Variants in KIF5C observed in about 807,000 individuals in gnomAD.
KIF5C encodes kinesin heavy chain isoform 5C.
Under a neutral mutation model 125.2 loss-of-function variants are expected in KIF5C, and 18 were observed. The observed-to-expected ratio is 0.14, with a 90% CI of 0.10 to 0.21. KIF5C has a LOEUF of 0.21. KIF5C is among the 10% of genes least tolerant of loss of function. The pLI is 1.00. For synonymous variants in KIF5C, 405 were observed against 434.0 expected, an observed-to-expected ratio of 0.93 and a Z score of 0.83; for missense variants, 780 against 1,183.8, an observed-to-expected ratio of 0.66 and a Z score of 5.01.
chr2:148,895,875 CCCACAG>C (rs1681825423), intron 1 of KIF5C, among the ~76,000 whole-genome samples: 1 of 12,398 alleles, frequency 8.1e-5, no homozygotes, highest in African/African-American at 1.3e-4. Flanking sequence ...CACACACACA[CCCACAG>C]AGATCTGGTG....
rs149825654 is a variant in KIF5C, at chr2:148,921,614, C to T, written c.127-523C>T. ...AGCTCTTCAGGAGCCTCCATCTTCC[C>T]GATCCTGTAAAGATACACTTAAGTG... On this transcript the variant is annotated intron_variant, in intron 1 of 25. Transcript: ENST00000435030. 4.6e-5 allele frequency among the ~76,000 whole-genome samples: 7 copies of T among 152,310 alleles called. No homozygotes were observed. The East Asian group carries it at 7.7e-4, about 17-fold the overall frequency.
Position 148,995,315 on chromosome 2 carries a change from T to C in KIF5C, c.2023+777T>C, listed in dbSNP as rs10445806. On this transcript the variant is annotated intron_variant, in intron 17 of 25. Coordinates refer to ENST00000435030, the MANE Select transcript of KIF5C (RefSeq NM_004522.3). ...GGACACTTCTAACCCTTCCATGGCA[T>C]CCTGTTGCTCTTAATATAAAGTTTG... is the stretch of plus-strand genomic sequence containing the variant. Among the ~76,000 whole-genome samples, 986 of 152,344 alleles carry C rather than the reference T, an allele frequency of 6.5e-3. 18 individuals are homozygous for C. Among genetic ancestry groups the C allele is most frequent in the Middle Eastern group, 0.065 (19 of 294 alleles).
intron 22 of KIF5C, 53 bp downstream of exon 22, chr2:149,005,517 A>G: frequency 6.3e-7 from 1 of 1,597,916 alleles, no homozygotes; most frequent in Non-Finnish European, 8.5e-7. Context: ...GATGGCAGGG[A>G]AGAATCATTT....
intron 11 of KIF5C, 67 bp downstream of exon 11, chr2:148,962,186 G>A: frequency 5.4e-6 from 8 of 1,489,668 alleles, no homozygotes; most frequent in Non-Finnish European, 7.1e-6. Context: ...TTTTTTTTGA[G>A]ACAGAGTCTC....
At chr2:148,936,946 C>T (rs1036366549) in intron 3 of KIF5C, among the ~76,000 whole-genome samples, 1 of 152,170 alleles carries the variant, frequency 6.6e-6, no homozygotes, top group Non-Finnish European at 1.5e-5. Flanking sequence ...ATTCTCGTTC[C>T]TTCTCCTGCT....
At chr2:148,979,673 T>C (rs1681178254) in intron 13 of KIF5C, among the ~76,000 whole-genome samples, 1 of 152,140 alleles carries the variant, frequency 6.6e-6, no homozygotes, top group African/African-American at 2.4e-5. Context: ...ATCTTTGATA[T>C]ACACCATGTT....
At chr2:148,965,440 A>G (rs1235839649) in intron 11 of KIF5C, among the ~76,000 whole-genome samples, 2 of 152,146 alleles carry the variant, frequency 1.3e-5, no homozygotes, top group African/African-American at 4.8e-5. Context: ...CCCAGCTAAC[A>G]TTTGTATTTA....
In KIF5C at chr2:148,941,944, C is replaced by A; in HGVS notation, c.455C>A (p.Thr152Asn). 1 of 1,611,968 alleles carries A rather than the reference C, an allele frequency of 6.2e-7. No homozygotes were observed. Among genetic ancestry groups the A allele is most frequent in the Non-Finnish European group, 8.5e-7 (1 of 1,179,508 alleles). The change falls in exon 6 of 26, where the codon ACC becomes AAC. Residue 152 changes from threonine to asparagine, a missense_variant. By Grantham distance (65) the Thr-to-Asn change is moderately conservative. Coordinates refer to ENST00000435030, the MANE Select transcript of KIF5C (RefSeq NM_004522.3). ...ATTCTCATCTTTTTAGTATCCAAGA[C>A]CAACTTGGCTGTTCATGAAGATAAA... ...KIRDLLDVSKTNLAVHEDKNR... is the reference protein window; with the variant it reads ...KIRDLLDVSKNNLAVHEDKNR...
In KIF5C at chr2:149,011,597, C is replaced by A. The variant is rs761429108; in HGVS notation, c.2795C>A (p.Pro932Gln). Residue 932 changes from proline to glutamine, a missense_variant, in exon 25 of 26, where the codon CCG (proline) becomes CAG (glutamine). Pro to Gln is a moderately conservative substitution (Grantham distance 76, BLOSUM62 -1). Coordinates refer to ENST00000435030, the MANE Select transcript of KIF5C (RefSeq NM_004522.3). ...IAKPIRPGHY[P>Q]ASSPTAVHAI... ...AAGCCCATCCGCCCCGGACACTACC[C>A]GGCCTCATCTCCAACGGCCGTCCAT... is the stretch of plus-strand genomic sequence containing the variant. 2 of 1,614,066 alleles carry A rather than the reference C, an allele frequency of 1.2e-6. No homozygotes were observed. Among genetic ancestry groups the A allele is most frequent in the Non-Finnish European group, 1.7e-6 (2 of 1,179,904 alleles).
intron 25 of KIF5C, among the ~76,000 whole-genome samples, 185 bp from the exon 26 acceptor site, chr2:149,022,893 C>A (rs1682572351): frequency 6.6e-6 from 1 of 152,118 alleles, no homozygotes; most frequent in Non-Finnish European, 1.5e-5. Context: ...CACTGCACCC[C>A]AGCCTGGGTG....
chr2:148,997,587 T>G, intron 18 of KIF5C: 1 of 566,638 alleles, frequency 1.8e-6, no homozygotes. Context: ...TCACCATTCC[T>G]GATGAAGAGG....
At chr2:148,957,237 C>T (rs1374842515) in intron 10 of KIF5C, among the ~76,000 whole-genome samples, 8 of 152,186 alleles carry the variant, frequency 5.3e-5, no homozygotes, top group South Asian at 4.1e-4. Context: ...GGCAGCCTCA[C>T]GCCCTAGATC....
intron 1 of KIF5C, among the ~76,000 whole-genome samples, chr2:148,891,929 C>T (rs2105047048): frequency 6.6e-6 from 1 of 152,300 alleles, no homozygotes; most frequent in Admixed American, 6.5e-5. Context: ...AACTCCTGAT[C>T]TCAGGTGATC....
intron 1 of KIF5C, among the ~76,000 whole-genome samples, chr2:148,896,286 A>C (rs1230932676): frequency 2.0e-5 from 3 of 152,176 alleles, no homozygotes; most frequent in African/African-American, 7.2e-5. Context: ...GCAGTGAACA[A>C]CACATACGTG....
At chr2:148,884,617 C>T (rs889077726) in intron 1 of KIF5C, among the ~76,000 whole-genome samples, 6 of 152,178 alleles carry the variant, frequency 3.9e-5, no homozygotes, top group African/African-American at 1.4e-4. Flanking sequence ...GAAATCTTAA[C>T]ATCTCATATC....
Position 148,937,274 on chromosome 2 carries a change from C to T in KIF5C, c.292-10C>T, listed in dbSNP as rs763419879. ...CTTTAACTGCCCGTGTTTGTATTTTCGCCCACTAGGGGAAGCTGCATGACC... is the reference window on the plus strand; with the variant it reads ...CTTTAACTGCCCGTGTTTGTATTTTTGCCCACTAGGGGAAGCTGCATGACC... On this transcript the variant is annotated splice_polypyrimidine_tract_variant and intron_variant, in intron 3 of 25. Coordinates refer to ENST00000435030, the MANE Select transcript of KIF5C (RefSeq NM_004522.3). 1.1e-5 allele frequency: 18 copies of T among 1,577,366 alleles called. No homozygotes were observed. The highest frequency in any genetic ancestry group is 1.7e-4 in the Middle Eastern group (1 of 6,022).
intron 25 of KIF5C, among the ~76,000 whole-genome samples, chr2:149,015,768 A>G (rs1370687090): frequency 6.6e-6 from 1 of 152,212 alleles, no homozygotes; most frequent in African/African-American, 2.4e-5. Context: ...TGGGCAAGTT[A>G]CTTGATTTCT....
At chr2:148,953,987 C>T (rs1014189726) in intron 10 of KIF5C, among the ~76,000 whole-genome samples, 15 of 152,042 alleles carry the variant, frequency 9.9e-5, no homozygotes, top group South Asian at 8.3e-4. Flanking sequence ...CCCATCAACC[C>T]GTCACCTACA....
chr2:148,941,590 C>T lies in KIF5C; in HGVS notation c.397-20C>T. 3 of 1,554,260 alleles carry T rather than the reference C, an allele frequency of 1.9e-6. No homozygotes were observed. The highest frequency in any genetic ancestry group is 1.7e-6 in the Non-Finnish European group (2 of 1,147,906). On this transcript the variant is annotated intron_variant, in intron 4 of 25. Coordinates refer to ENST00000435030, the MANE Select transcript of KIF5C (RefSeq NM_004522.3). ...TACACTGCGGCATGTCTATTCCAAG[C>T]TCAATTTGTTTTTAACTAGGTTTCC... is the stretch of plus-strand genomic sequence containing the variant.
Sources: gnomAD v4.1 joint callset for allele counts (sites outside exome capture counted in the v4.1 genomes callset) on GRCh38, gnomAD v4.1.1 for gene constraint, MANE v1.5 for transcripts, NCBI Gene and HGNC (gene_info 2026-07-23, HGNC 2026-07-21) for gene names.